The following FBXL17 variants were observed in gnomAD, a reference collection of about 807,000 sequenced individuals.
FBXL17 encodes the protein F-box/LRR-repeat protein 17.
A neutral mutation model predicts 66.2 loss-of-function variants in FBXL17; 22 were observed. That is an observed-to-expected ratio of 0.33 (90% CI 0.24 to 0.47). The LOEUF is 0.47. Ranked by LOEUF, FBXL17 falls within the 20% of genes least tolerant of loss-of-function variation. FBXL17 has a pLI of 1.00. For synonymous variants in FBXL17, 474 were observed against 400.5 expected, an observed-to-expected ratio of 1.18 and a Z score of -2.19; for missense variants, 878 against 948.2, an observed-to-expected ratio of 0.93 and a Z score of 0.97.
chr5:107,999,438 T>A (rs1753622295), intron 7 of FBXL17, among the ~76,000 whole-genome samples: 1 of 142,794 alleles, frequency 7.0e-6, no homozygotes, highest in Admixed American at 7.2e-5. Flanking sequence ...TTTTTTTTTT[T>A]TACTTTTGTC....
intron 6 of FBXL17, among the ~76,000 whole-genome samples, chr5:108,047,009 C>T (rs1214375768): frequency 6.6e-6 from 1 of 152,138 alleles, no homozygotes; most frequent in African/African-American, 2.4e-5. Flanking sequence ...TGAAAAACGT[C>T]TTGGATTGGG....
chr5:107,980,658 A>ATTTT (rs1382210910), intron 7 of FBXL17, among the ~76,000 whole-genome samples: 1 of 72,452 alleles, frequency 1.4e-5, no homozygotes, highest in South Asian at 4.8e-4. Context: ...ATATATATAT[A>ATTTT]TATATATTTT....
intron 4 of FBXL17, among the ~76,000 whole-genome samples, chr5:108,227,521 G>C (rs1164079358): frequency 6.6e-6 from 1 of 152,170 alleles, no homozygotes; most frequent in Non-Finnish European, 1.5e-5. Flanking sequence ...ATCTTTGTTA[G>C]TTTTTCAAAC....
intron 7 of FBXL17, among the ~76,000 whole-genome samples, chr5:107,907,772 A>G (rs1277771415): frequency 6.6e-6 from 1 of 152,162 alleles, no homozygotes; most frequent in Non-Finnish European, 1.5e-5. Context: ...TTAGAATGGC[A>G]ATCATTAAAA....
chr5:108,340,681 TG>T (rs1255276257), intron 4 of FBXL17, among the ~76,000 whole-genome samples: 5 of 152,186 alleles, frequency 3.3e-5, no homozygotes, highest in Non-Finnish European at 2.9e-5. Flanking sequence ...AAAAAACATT[TG>T]ACTCTTTAAG....
chr5:108,032,149 C>G lies in FBXL17; in HGVS notation c.1746-11148G>C, dbSNP rs1746665481. ...GTTATTTAGAACAAAATAGTATTTC[C>G]TAAGGTACATTTCTCAGAAAACTAG... On this transcript the variant is annotated intron_variant, in intron 6 of 8. Transcript: ENST00000542267. 3.3e-5 allele frequency among the ~76,000 whole-genome samples: 5 copies of G among 152,172 alleles called. No individual in the cohort carries two copies. The South Asian group carries it at 1.0e-3, about 32-fold the overall frequency.
intron 6 of FBXL17, among the ~76,000 whole-genome samples, chr5:108,045,247 C>T (rs1182776683): frequency 2.0e-5 from 3 of 152,104 alleles, no homozygotes; most frequent in Non-Finnish European, 4.4e-5. Flanking sequence ...CGAAACCAGC[C>T]TGGCCAGCAT....
chr5:107,882,416 A>G (rs1321288351), intron 7 of FBXL17, among the ~76,000 whole-genome samples: 1 of 152,122 alleles, frequency 6.6e-6, no homozygotes, highest in Admixed American at 6.5e-5. Flanking sequence ...ACTCCCAAGT[A>G]GCCAGATATT....
At chr5:108,034,150 C>T (rs938487431) in intron 6 of FBXL17, among the ~76,000 whole-genome samples, 10 of 152,094 alleles carry the variant, frequency 6.6e-5, no homozygotes, top group South Asian at 2.1e-4. Context: ...TATCCAGCAA[C>T]GACCAGACAA....
intron 7 of FBXL17, among the ~76,000 whole-genome samples, chr5:107,956,350 C>T (rs978936637): frequency 3.9e-5 from 6 of 152,190 alleles, no homozygotes; most frequent in African/African-American, 1.4e-4. Flanking sequence ...TTATTTTGCA[C>T]GAGGTTTCAG....
intron 4 of FBXL17, among the ~76,000 whole-genome samples, chr5:108,302,513 A>G (rs966832478): frequency 6.6e-6 from 1 of 151,834 alleles, no homozygotes; most frequent in South Asian, 2.1e-4. Flanking sequence ...TAGAAAATTA[A>G]GAGATACTTA....
At position 108,020,928 on chromosome 5, in the gene FBXL17, A is replaced by T; in HGVS notation, c.1819T>A (p.Tyr607Asn). ...LYLVSCKITD[Y>N]ALIAIGRYSM... ...AGGAAAATGGTTCATTACCTACCAT[A>T]ATCTGTGATTTTACAGGACACCAAA... The change falls in exon 7 of 9, where the codon TAT (tyrosine) becomes AAT (asparagine). Residue 607 changes from tyrosine (Y) to asparagine (N), a missense_variant. Tyr to Asn is a moderately radical substitution (Grantham distance 143). Coordinates refer to ENST00000542267, the MANE Select transcript of FBXL17 (RefSeq NM_001163315.3). 1.2e-6 allele frequency: 2 copies of T among 1,603,832 alleles called. No homozygotes were observed. The highest frequency in any genetic ancestry group is 2.2e-5 in the South Asian group (2 of 90,836).
At chr5:108,255,341 A>T (rs1290658185) in intron 4 of FBXL17, among the ~76,000 whole-genome samples, 1 of 152,150 alleles carries the variant, frequency 6.6e-6, no homozygotes, top group Non-Finnish European at 1.5e-5. Flanking sequence ...TTCCTATCTT[A>T]TCTTTGTAGT....
chr5:108,206,663 T>A (rs1754131108), intron 5 of FBXL17, among the ~76,000 whole-genome samples: 1 of 152,170 alleles, frequency 6.6e-6, no homozygotes, highest in African/African-American at 2.4e-5. Flanking sequence ...TCAGCAAAAT[T>A]ATTTTGAGAT....
chr5:107,998,745 C>G (rs17160834), intron 7 of FBXL17, among the ~76,000 whole-genome samples: 3,705 of 152,176 alleles, frequency 0.024, 148 homozygotes, highest in African/African-American at 0.079. Flanking sequence ...TTGTTGATTT[C>G]TTCATGAAGC....
At chr5:108,010,724 T>C (rs988971704) in intron 7 of FBXL17, among the ~76,000 whole-genome samples, 1 of 151,942 alleles carries the variant, frequency 6.6e-6, no homozygotes, top group Non-Finnish European at 1.5e-5. Flanking sequence ...AGGAATCAAA[T>C]GAAGAAGCTT....
chr5:108,151,622 C>A (rs142088818), intron 6 of FBXL17, among the ~76,000 whole-genome samples: 1 of 152,142 alleles, frequency 6.6e-6, no homozygotes, highest in Admixed American at 6.5e-5. Flanking sequence ...CAGATACTTA[C>A]AATAGTGGAA....
At chr5:108,153,569 G>A (rs1440488694) in intron 6 of FBXL17, among the ~76,000 whole-genome samples, 1 of 152,126 alleles carries the variant, frequency 6.6e-6, no homozygotes, top group South Asian at 2.1e-4. Flanking sequence ...TTTTATTGTA[G>A]AGACCAGCCT....
intron 7 of FBXL17, among the ~76,000 whole-genome samples, chr5:107,932,362 C>T (rs1217066684): frequency 3.3e-5 from 5 of 151,936 alleles, no homozygotes; most frequent in South Asian, 2.1e-4. Context: ...TTAAAGAATA[C>T]GTTGGTGTTT....
Sources: gnomAD v4.1 joint callset for allele counts (sites outside exome capture counted in the v4.1 genomes callset) on GRCh38, gnomAD v4.1.1 for gene constraint, MANE v1.5 for transcripts, NCBI Gene and HGNC (gene_info 2026-07-23, HGNC 2026-07-21) for gene names.